The following DENND1A variants were observed in gnomAD, a reference collection of about 807,000 sequenced individuals.
DENND1A encodes the protein DENN domain-containing protein 1A.
A neutral mutation model predicts 113.7 loss-of-function variants in DENND1A; 51 were observed. That is an observed-to-expected ratio of 0.45 (90% CI 0.36 to 0.57). The LOEUF (loss-of-function observed/expected upper bound fraction) is 0.57, where lower values mean the gene tolerates loss of function less well. Ranked by LOEUF, DENND1A falls within the 20% of genes least tolerant of loss-of-function variation. The probability of loss-of-function intolerance (pLI) is 0.00; values close to 1 mark genes in which losing one functional copy is unlikely to be tolerated. For synonymous variants in DENND1A, 565 were observed against 570.8 expected (o/e 0.99, Z 0.14); for missense variants, 1,258 against 1,395.9 (o/e 0.90, Z 1.57).
intron 13 of DENND1A, among the ~76,000 whole-genome samples, chr9:123,516,884 C>CAAAAAAAAAAAAA (rs546001517): frequency 1.7e-3 from 159 of 93,328 alleles, no homozygotes; most frequent in African/African-American, 1.9e-3. Context: ...GACTCTGTCT[C>CAAAAAAAAAAAAA]AAAAAAAAAA....
At chr9:123,754,147 C>A (rs1444584332) in intron 5 of DENND1A, among the ~76,000 whole-genome samples, 1 of 152,126 alleles carries the variant, frequency 6.6e-6, no homozygotes, top group Non-Finnish European at 1.5e-5. Flanking sequence ...GACCTCAAGG[C>A]ACAGGTTAAC....
intron 17 of DENND1A, among the ~76,000 whole-genome samples, chr9:123,451,758 A>G (rs1000927381): frequency 6.6e-6 from 1 of 152,240 alleles, no homozygotes; most frequent in African/African-American, 2.4e-5. Context: ...CTACTGTGGC[A>G]AATGTGAGCA....
chr9:123,715,016 T>C (rs1487558064), intron 5 of DENND1A, among the ~76,000 whole-genome samples: 1 of 151,942 alleles, frequency 6.6e-6, no homozygotes, highest in African/African-American at 2.4e-5. Context: ...ACCCCATCTC[T>C]ACTAAAAAAT....
At chr9:123,601,174 A>G (rs946060249) in intron 11 of DENND1A, among the ~76,000 whole-genome samples, 7 of 152,190 alleles carry the variant, frequency 4.6e-5, no homozygotes, top group African/African-American at 1.7e-4. Context: ...AGTTTTTCTC[A>G]TCTGTAACAG....
At chr9:123,562,462 C>T (rs2057813844) in intron 12 of DENND1A, among the ~76,000 whole-genome samples, 2 of 152,124 alleles carry the variant, frequency 1.3e-5, no homozygotes, top group African/African-American at 4.8e-5. Context: ...ACTCTATGAA[C>T]TGACACAAAA....
chr9:123,517,958 A>C (rs2054078516), intron 13 of DENND1A, among the ~76,000 whole-genome samples: 1 of 152,216 alleles, frequency 6.6e-6, no homozygotes, highest in South Asian at 2.1e-4. Flanking sequence ...AATTTTCTGC[A>C]TTAAAAATGT....
At chr9:123,549,733 G>C (rs555965596) in intron 13 of DENND1A, among the ~76,000 whole-genome samples, 1 of 152,288 alleles carries the variant, frequency 6.6e-6, no homozygotes, top group African/African-American at 2.4e-5. Context: ...ATGTAAAAAT[G>C]CATATGAAAT....
chr9:123,902,805 GT>G (rs35366223), intron 1 of DENND1A, among the ~76,000 whole-genome samples: 25,321 of 138,324 alleles, frequency 0.18, 4,062 homozygotes, highest in African/African-American at 0.44. Context: ...AACAACAGCT[GT>G]TTTTTTTTTT....
rs141088049 is a variant in DENND1A, at chr9:123,505,159, G to A, written c.994-47262C>T. On this transcript the variant is annotated intron_variant, in intron 13 of 23. Transcript: ENST00000394215. ...TATTTTAGCAGCTACAACTCCCTGC[G>A]TGAGATATTCTATATGGACAGATCT... Among the ~76,000 whole-genome samples, 167 of 152,282 alleles carry A rather than the reference G, an allele frequency of 1.1e-3. 1 individual carries two copies. The highest frequency in any genetic ancestry group is 3.4e-3 in the Middle Eastern group (1 of 292).
intron 19 of DENND1A, among the ~76,000 whole-genome samples, 193 bp from the exon 20 acceptor site, chr9:123,412,022 C>T (rs1361255085): frequency 6.6e-6 from 1 of 152,212 alleles, no homozygotes. Flanking sequence ...CTAACCTTGT[C>T]TCCAGCCTGG....
chr9:123,537,909 C>T (rs991612399), intron 13 of DENND1A, among the ~76,000 whole-genome samples: 2 of 152,150 alleles, frequency 1.3e-5, no homozygotes, highest in Non-Finnish European at 2.9e-5. Context: ...AGGGGATTTA[C>T]CAGGGAGCAA....
intron 20 of DENND1A, among the ~76,000 whole-genome samples, chr9:123,409,345 C>T (rs1470189085): frequency 2.6e-5 from 4 of 151,570 alleles, no homozygotes; most frequent in African/African-American, 4.9e-5. Flanking sequence ...TCTGAAAATC[C>T]GAGATCTGAA....
At chr9:123,859,957 G>A (rs1420507035) in intron 2 of DENND1A, among the ~76,000 whole-genome samples, 1 of 152,100 alleles carries the variant, frequency 6.6e-6, no homozygotes, top group East Asian at 1.9e-4. Flanking sequence ...ACCACAGAAA[G>A]GTGTTACAAA....
At chr9:123,866,709 G>T (rs1845840052) in intron 2 of DENND1A, among the ~76,000 whole-genome samples, 1 of 152,136 alleles carries the variant, frequency 6.6e-6, no homozygotes. Context: ...CACTTCCTGT[G>T]CTGAGCATTT....
intron 13 of DENND1A, among the ~76,000 whole-genome samples, chr9:123,470,996 C>T (rs1049031426): frequency 1.3e-5 from 2 of 152,154 alleles, no homozygotes; most frequent in African/African-American, 4.8e-5. Context: ...GAGTCAAATG[C>T]CTGACTTGGT....
chr9:123,722,745 C>T (rs2067429464), intron 5 of DENND1A, among the ~76,000 whole-genome samples: 1 of 152,256 alleles, frequency 6.6e-6, no homozygotes, highest in South Asian at 2.1e-4. Flanking sequence ...TTGGAAACCT[C>T]TGCCTAGATT....
At chr9:123,510,390 C>T (rs1014126387) in intron 13 of DENND1A, among the ~76,000 whole-genome samples, 3 of 152,380 alleles carry the variant, frequency 2.0e-5, no homozygotes, top group Non-Finnish European at 4.4e-5. Context: ...CACAAGGACA[C>T]ATCCCCAACT....
chr9:123,765,576 T>C lies in DENND1A; in HGVS notation c.182+3938A>G, dbSNP rs928473866. On this transcript the variant is annotated intron_variant, in intron 4 of 23. Coordinates refer to ENST00000394215, the MANE Select transcript of DENND1A (RefSeq NM_001352964.2). ...TGTGCCAGTATAATTTACAGGAAAA[T>C]GGAATGGTAGCTGACTTTCAGGGTT... is the stretch of plus-strand genomic sequence containing the variant. Among the ~76,000 whole-genome samples, 9 of 152,046 alleles carry C rather than the reference T, an allele frequency of 5.9e-5. No homozygotes were observed. In the East Asian group the frequency reaches 1.2e-3, roughly 20 times the overall value.
At chr9:123,676,622 G>T in intron 6 of DENND1A, 98 bp downstream of exon 6, 2 of 1,093,554 alleles carry the variant, frequency 1.8e-6, no homozygotes, top group African/African-American at 1.6e-5. Flanking sequence ...TAATGGGCAT[G>T]CATCACTTTT....
Sources: gnomAD v4.1 joint callset for allele counts (sites outside exome capture counted in the v4.1 genomes callset) on GRCh38, gnomAD v4.1.1 for gene constraint, MANE v1.5 for transcripts, NCBI Gene and HGNC (gene_info 2026-07-23, HGNC 2026-07-21) for gene names.